The following HDAC4 variants were observed in gnomAD, a reference collection of about 807,000 sequenced individuals.
HDAC4 encodes the protein histone deacetylase 4.
HDAC4 carries 16 observed loss-of-function variants against 135.1 expected under a neutral mutation model. The observed-to-expected ratio is 0.12, with a 90% CI of 0.08 to 0.18. HDAC4 has a LOEUF of 0.18. Among genes scored for constraint, HDAC4 ranks in the 10% least tolerant of loss-of-function variants. The pLI, the probability that HDAC4 is intolerant of heterozygous loss-of-function variation, is 1.00. For synonymous variants in HDAC4, 685 were observed against 653.4 expected, an observed-to-expected ratio of 1.05 and a Z score of -0.74; for missense variants, 1,143 against 1,511.8, an observed-to-expected ratio of 0.76 and a Z score of 4.05.
In HDAC4 at chr2:239,084,323, G is replaced by A. The variant is rs139039396; in HGVS notation, c.2445-81C>T. 365 of 954,112 alleles carry A rather than the reference G, an allele frequency of 3.8e-4. 4 individuals carry two copies. In the African/African-American group the frequency reaches 5.1e-3, roughly 13 times the overall value. 59.1% of individuals were successfully genotyped at this position (954,112 alleles called of 1,614,324 possible). A position where few individuals can be genotyped will look rare whatever the true frequency, so the allele number is the denominator to read the frequency against. On this transcript the variant is annotated intron_variant, in intron 19 of 26. Coordinates refer to ENST00000543185, the MANE Select transcript of HDAC4 (RefSeq NM_001378414.1). Reference sequence around the variant, plus strand: ...TCCACGGCCCGCCAGAGAGCCACTCGGGGTCCACGCAGACCTAAGAGGTCT... The same window carrying A: ...TCCACGGCCCGCCAGAGAGCCACTCAGGGTCCACGCAGACCTAAGAGGTCT...
At chr2:239,337,133 C>T (rs1575712442) in intron 2 of HDAC4, among the ~76,000 whole-genome samples, 1 of 152,304 alleles carries the variant, frequency 6.6e-6, no homozygotes, top group East Asian at 1.9e-4. Context: ...TTTTTAAACA[C>T]ATGGACTAGA....
At chr2:239,142,025 CTG>C (rs772894798) in intron 8 of HDAC4, among the ~76,000 whole-genome samples, 3 of 152,006 alleles carry the variant, frequency 2.0e-5, no homozygotes, top group Non-Finnish European at 2.9e-5. Flanking sequence ...GAGAACTCAG[CTG>C]TGAGGAAGGC....
chr2:239,053,469 G>C lies in HDAC4; in HGVS notation c.3221C>G (p.Ala1074Gly). 1 of 1,613,086 alleles carries C rather than the reference G, an allele frequency of 6.2e-7. No individual in the cohort carries two copies. Among genetic ancestry groups the C allele is most frequent in the Non-Finnish European group, 8.5e-7 (1 of 1,179,600 alleles). ...MASLSVGVKP[A>G]EKRPDEEPME... ...CAGGGCAGGTGCTCACCTCTTTTCGGCGGGCTTCACGCCCACGGACAGCGA... is the reference window on the plus strand; with the variant it reads ...CAGGGCAGGTGCTCACCTCTTTTCGCCGGGCTTCACGCCCACGGACAGCGA... The change falls in exon 26 of 27, where the codon GCC becomes GGC. Residue 1074 changes from alanine (A) to glycine (G), a missense_variant. This residue lies in a region of HDAC4 where 131 missense variants were observed against 130.6 expected (regional missense o/e 1.00). Transcript: ENST00000543185.
rs2047225289 is a variant in HDAC4, at chr2:239,226,093, C to CT, written c.94+10499dup. On this transcript the variant is annotated intron_variant, in intron 3 of 26. Transcript: ENST00000543185. ...TGGCGGCACAGGCTTCCAGATGCCA[C>CT]TGAGGGGCTCCGCAGGCCCTCTGGA... Among the ~76,000 whole-genome samples the CT allele has an allele frequency of 2.0e-5, 3 of 152,194 alleles. No homozygotes were observed. The South Asian group carries it at 6.2e-4, about 31-fold the overall frequency.
Position 239,139,837 on chromosome 2 carries a change from G to A in HDAC4, c.866-41C>T, listed in dbSNP as rs747157887. 1.2e-5 allele frequency: 18 copies of A among 1,562,654 alleles called. No homozygotes were observed. The highest frequency in any genetic ancestry group is 5.4e-5 in the African/African-American group (4 of 73,930). ...TACCCTGGTGAGTGTTACTCCATGC[G>A]GAGGGAGGGCCGTGCTGACCTGTGG... On this transcript the variant is annotated intron_variant, in intron 8 of 26. Transcript: ENST00000543185. The surrounding 1 kb of genome is among the most constrained non-coding windows in gnomAD (Gnocchi z 5.3).
intron 7 of HDAC4, among the ~76,000 whole-genome samples, chr2:239,152,500 G>A (rs1333366999): frequency 1.3e-5 from 2 of 152,246 alleles, no homozygotes; most frequent in South Asian, 2.1e-4. Flanking sequence ...CCCAGGAAAG[G>A]GGCGGGGCCT....
chr2:239,088,237 A>G lies in HDAC4; in HGVS notation c.2389-623T>C, dbSNP rs1457323514. On this transcript the variant is annotated intron_variant, in intron 18 of 26. Coordinates refer to ENST00000543185, the MANE Select transcript of HDAC4 (RefSeq NM_001378414.1). Reference sequence around the variant, plus strand: ...ACCACTCTGTAGTTGCTGCCATAAAAATGGATTCCAGTCCTCTCCTGGTCT... The same window carrying G: ...ACCACTCTGTAGTTGCTGCCATAAAGATGGATTCCAGTCCTCTCCTGGTCT... 2.0e-5 allele frequency among the ~76,000 whole-genome samples: 3 copies of G among 152,294 alleles called. No individual in the cohort carries two copies. The East Asian group carries it at 5.8e-4, about 29-fold the overall frequency.
rs1029246742 is a variant in HDAC4 at position 239,309,011 on chromosome 2, G to C, written c.22+43667C>G. ...CCGCCGGCTCGCTGGAAGACACTGA[G>C]CAGTTACATAACAGCACAGAAAATC... is the stretch of plus-strand genomic sequence containing the variant. On this transcript the variant is annotated intron_variant, in intron 2 of 26. Transcript: ENST00000543185. This position sits in a 1 kb window ranked among gnomAD's most constrained non-coding sequence, Gnocchi z 4.2. 5.3e-5 allele frequency: 8 copies of C among 152,302 alleles called. No individual in the cohort carries two copies. Among genetic ancestry groups the C allele is most frequent in the Non-Finnish European group, 8.8e-5 (6 of 68,036 alleles). 9.4% of individuals were successfully genotyped at this position (152,302 alleles called of 1,614,324 possible).
intron 3 of HDAC4, 62 bp from the exon 4 acceptor site, chr2:239,190,139 A>C: frequency 6.7e-7 from 1 of 1,487,746 alleles, no homozygotes; most frequent in Non-Finnish European, 8.9e-7. Flanking sequence ...TGGGCCCCAG[A>C]GCCCCCACCC....
intron 1 of HDAC4, among the ~76,000 whole-genome samples, chr2:239,363,095 C>T (rs1401567044): frequency 6.6e-6 from 1 of 152,106 alleles, no homozygotes; most frequent in Non-Finnish European, 1.5e-5. Context: ...AGTACTAAAT[C>T]TATCAAGAGA....
At chr2:239,316,985 A>G (rs998270485) in intron 2 of HDAC4, among the ~76,000 whole-genome samples, 1 of 151,842 alleles carries the variant, frequency 6.6e-6, no homozygotes, top group African/African-American at 2.4e-5. Context: ...AAATAACCAA[A>G]CCCCATTTCA....
At chr2:239,099,056 A>G (rs1388014000) in intron 16 of HDAC4, among the ~76,000 whole-genome samples, 50 of 152,384 alleles carry the variant, frequency 3.3e-4, no homozygotes, top group Non-Finnish European at 1.3e-4. Context: ...TCAATAAAGA[A>G]ACCAAAAACA....
At chr2:239,291,765 C>T (rs1575624913) in intron 2 of HDAC4, among the ~76,000 whole-genome samples, 1 of 152,198 alleles carries the variant, frequency 6.6e-6, no homozygotes, top group Admixed American at 6.5e-5. Flanking sequence ...CTTCTAAGTC[C>T]ACACAGATAT....
At chr2:239,196,541 G>A (rs780263720) in intron 3 of HDAC4, among the ~76,000 whole-genome samples, 16 of 152,204 alleles carry the variant, frequency 1.1e-4, no homozygotes, top group African/African-American at 2.9e-4. Flanking sequence ...GATGGTTCCC[G>A]GGACAGGACA....
At chr2:239,161,794 C>G in intron 6 of HDAC4, 1 of 425,088 alleles carries the variant, frequency 2.4e-6, no homozygotes, top group South Asian at 1.7e-5. Flanking sequence ...GTCAGTCCTC[C>G]CAGCCCCAGC....
At chr2:239,340,622 A>G (rs1692239094) in intron 2 of HDAC4, among the ~76,000 whole-genome samples, 1 of 152,196 alleles carries the variant, frequency 6.6e-6, no homozygotes, top group Non-Finnish European at 1.5e-5. Flanking sequence ...ATGGAGACAC[A>G]CACCATCTCT....
At chr2:239,318,218 G>A (rs898571566) in intron 2 of HDAC4, among the ~76,000 whole-genome samples, 2 of 152,158 alleles carry the variant, frequency 1.3e-5, no homozygotes, top group African/African-American at 2.4e-5. Flanking sequence ...GGAAACACCC[G>A]CCAGCATCAC....
intron 1 of HDAC4, among the ~76,000 whole-genome samples, chr2:239,363,089 C>A (rs1292251381): frequency 2.0e-5 from 3 of 152,108 alleles, no homozygotes; most frequent in African/African-American, 7.2e-5. Flanking sequence ...ATATCCAGTA[C>A]TAAATCTATC....
intron 12 of HDAC4, among the ~76,000 whole-genome samples, chr2:239,121,986 G>T (rs918492105): frequency 2.0e-5 from 3 of 152,360 alleles, no homozygotes; most frequent in Admixed American, 1.3e-4. Flanking sequence ...AGGCCTTGGG[G>T]ACACTGAGAG....
Sources: allele counts gnomAD v4.1 joint callset (sites outside exome capture counted in the v4.1 genomes callset), GRCh38; gene constraint gnomAD v4.1.1; regional missense constraint gnomAD v4.1.1; non-coding constraint Gnocchi (gnomAD v3.1); transcripts MANE v1.5; gene names NCBI Gene and HGNC (gene_info 2026-07-23, HGNC 2026-07-21).